SERPINB8: variants seen among roughly 807,000 people sequenced by gnomAD.
The protein encoded by SERPINB8 is serpin family B member 8, also known as serpin B8.
Under a neutral mutation model 35.3 loss-of-function variants are expected in SERPINB8, and 25 were observed. The ratio of observed to expected loss-of-function variants is 0.71; its 90% CI spans 0.52 to 0.99. The LOEUF (loss-of-function observed/expected upper bound fraction) is 0.99, where lower values mean the gene tolerates loss of function less well. Ranked by LOEUF, SERPINB8 falls within the 50% of genes least tolerant of loss-of-function variation. The pLI, the probability that SERPINB8 is intolerant of heterozygous loss-of-function variation, is 0.00. For missense variants in SERPINB8, 484 were observed against 446.5 expected (o/e 1.08, Z -0.76); for synonymous variants, 186 against 160.8 (o/e 1.16, Z -1.19).
intron 6 of SERPINB8, chr18:63,986,542 G>A: frequency 7.5e-7 from 1 of 1,328,628 alleles, no homozygotes; most frequent in Non-Finnish European, 9.6e-7. Flanking sequence ...TGTATTGCAT[G>A]AAGATTAATG....
rs113130158 is a variant in SERPINB8, at chr18:63,970,130, A to AGCGGCGGCGGCGGCGGCGGCG, written c.-31_-30insGGCGGCGGCGGCGGCGGCGGC. 6 of 343,898 alleles carry AGCGGCGGCGGCGGCGGCGGCG rather than the reference A, an allele frequency of 1.7e-5. No individual in the cohort carries two copies. Among genetic ancestry groups the AGCGGCGGCGGCGGCGGCGGCG allele is most frequent in the East Asian group, 1.2e-4 (1 of 8,016 alleles). The allele number at this position is 343,898 out of a possible 1,614,324, so 21.3% of individuals were successfully genotyped here. A position where few individuals can be genotyped will look rare whatever the true frequency, so the allele number is the denominator to read the frequency against. ...ACAAAGGAGGAATAGTCAAAGCAGC[A>AGCGGCGGCGGCGGCGGCGGCG]GCGGCGGCGGCGGCGGCGGCAGCAG... is the stretch of plus-strand genomic sequence containing the variant. On this transcript the variant is annotated 5_prime_UTR_variant, in exon 1 of 7. Coordinates refer to ENST00000397985, the MANE Select transcript of SERPINB8 (RefSeq NM_002640.4).
At chr18:64,002,759 C>T (rs1388193015) in intron 1 of SERPINB8, among the ~76,000 whole-genome samples, 5 of 152,106 alleles carry the variant, frequency 3.3e-5, no homozygotes, top group Non-Finnish European at 7.4e-5. Flanking sequence ...CCCACGCGGC[C>T]CCAGCCTCTC....
At chr18:63,981,376 A>C (rs1203096011) in intron 3 of SERPINB8, among the ~76,000 whole-genome samples, 1 of 152,260 alleles carries the variant, frequency 6.6e-6, no homozygotes, top group Non-Finnish European at 1.5e-5. Flanking sequence ...AAAGTGTGTT[A>C]GACTGCCTAG....
chr18:63,991,876 G>T (rs1210893456), downstream of SERPINB8, among the ~76,000 whole-genome samples: 3 of 152,164 alleles, frequency 2.0e-5, no homozygotes, highest in African/African-American at 7.2e-5. Flanking sequence ...AGGAATAGAT[G>T]TTGGATTCTG....
downstream of SERPINB8, among the ~76,000 whole-genome samples, chr18:63,990,058 A>AT (rs1200155661): frequency 1.0e-5 from 1 of 99,292 alleles, no homozygotes; most frequent in Non-Finnish European, 2.2e-5. Context: ...TTCTTGCTTT[A>AT]TTTTGTTTTC....
At chr18:63,980,877 C>A (rs1354188724) in intron 3 of SERPINB8, among the ~76,000 whole-genome samples, 1 of 152,208 alleles carries the variant, frequency 6.6e-6, no homozygotes, top group East Asian at 1.9e-4. Flanking sequence ...CCTATTATAT[C>A]CAAAGCCAGG....
At chr18:64,004,547 A>T (rs1393872681) in intron 1 of SERPINB8, among the ~76,000 whole-genome samples, 1 of 152,218 alleles carries the variant, frequency 6.6e-6, no homozygotes, top group Non-Finnish European at 1.5e-5. Context: ...GTGATATTTT[A>T]ACATTTAAAA....
intron 1 of SERPINB8, among the ~76,000 whole-genome samples, chr18:63,971,984 G>A (rs1427559864): frequency 6.8e-6 from 1 of 147,358 alleles, no homozygotes; most frequent in Non-Finnish European, 1.5e-5. Context: ...ATGCCTGCCC[G>A]GCTTTTCTTT....
At chr18:64,014,183 A>G (rs2050939068) in intron 7 of SERPINB8, among the ~76,000 whole-genome samples, 1 of 152,198 alleles carries the variant, frequency 6.6e-6, no homozygotes, top group African/African-American at 2.4e-5. Context: ...GTGTATGCAG[A>G]AAAGGAAATT....
At chr18:64,002,650 G>T (rs1054727911) in intron 1 of SERPINB8, among the ~76,000 whole-genome samples, 1 of 152,088 alleles carries the variant, frequency 6.6e-6, no homozygotes, top group Admixed American at 6.5e-5. Context: ...GGGCCCTCGC[G>T]TGCGGTCACC....
downstream of SERPINB8, among the ~76,000 whole-genome samples, chr18:64,007,186 C>A (rs966901101): frequency 2.0e-5 from 3 of 151,674 alleles, no homozygotes; most frequent in African/African-American, 4.8e-5. Flanking sequence ...TAAAATAATA[C>A]CATAAACAAC....
chr18:63,984,846 G>T (rs898204213), intron 5 of SERPINB8, among the ~76,000 whole-genome samples: 1 of 150,820 alleles, frequency 6.6e-6, no homozygotes. Context: ...CAAGGATAAT[G>T]TCAATTTTTG....
rs2050707931 is a variant in SERPINB8, at chr18:63,983,692, A to C, written c.538A>C (p.Thr180Pro). ...GAATGAGCAATTTGACAGAAAGTAC[A>C]CAAGGGGAATGCTCTTTAAAACCAA... ...KWNEQFDRKY[T>P]RGMLFKTNEE... Residue 180 changes from threonine (T) to proline (P), a missense_variant, in exon 5 of 7, where the codon ACA becomes CCA. Transcript: ENST00000397985. 1 of 1,613,910 alleles carries C rather than the reference A, an allele frequency of 6.2e-7. No individual in the cohort carries two copies. Among genetic ancestry groups the C allele is most frequent in the Non-Finnish European group, 8.5e-7 (1 of 1,179,878 alleles).
chr18:64,002,726 T>C lies in SERPINB8; in HGVS notation c.71-2093T>C, dbSNP rs375353935. Among the ~76,000 whole-genome samples the C allele has an allele frequency of 4.0e-5, 6 of 151,534 alleles. No individual in the cohort carries two copies. In the South Asian group the frequency reaches 1.0e-3, roughly 27 times the overall value. On this transcript the variant is annotated intron_variant, in intron 1 of 1. Transcript: ENST00000493661. ...GAGGGCGGGTGCTGGGGAAGGGGCG[T>C]CGGCCGACCCCGCCCCGGGTCCCCC...
At chr18:63,978,272 C>CT (rs1199874167) in intron 1 of SERPINB8, 27 bp from the exon 2 acceptor site, 4 of 1,613,574 alleles carry the variant, frequency 2.5e-6, no homozygotes, top group Non-Finnish European at 3.4e-6. Context: ...GGCTTATGTG[C>CT]TTTTCCCTGC....
intron 1 of SERPINB8, among the ~76,000 whole-genome samples, chr18:63,995,514 C>T (rs952663867): frequency 3.3e-5 from 5 of 152,204 alleles, no homozygotes; most frequent in Non-Finnish European, 5.9e-5. Context: ...GAGGCCTTTA[C>T]GTTATGGCTC....
intron 6 of SERPINB8, 96 bp from the exon 7 acceptor site, chr18:63,986,778 C>T: frequency 7.2e-7 from 1 of 1,390,584 alleles, no homozygotes; most frequent in African/African-American, 1.4e-5. Context: ...AACTCACCAT[C>T]TAATTGCATG....
intron 1 of SERPINB8, among the ~76,000 whole-genome samples, chr18:63,998,884 T>C (rs2050862032): frequency 6.6e-6 from 1 of 152,226 alleles, no homozygotes; most frequent in Non-Finnish European, 1.5e-5. Context: ...GTGGCCCTGC[T>C]GCTTTACTCC....
At chr18:63,994,718 C>G (rs1401085854) in intron 1 of SERPINB8, among the ~76,000 whole-genome samples, 1 of 152,122 alleles carries the variant, frequency 6.6e-6, no homozygotes, top group Non-Finnish European at 1.5e-5. Context: ...GCTATAGTAG[C>G]CCCGCAAGTC....
Sources: allele counts gnomAD v4.1 joint callset (sites outside exome capture counted in the v4.1 genomes callset), GRCh38; gene constraint gnomAD v4.1.1; transcripts MANE v1.5; gene names NCBI Gene and HGNC (gene_info 2026-07-23, HGNC 2026-07-21).